The following NUP210L variants were observed in gnomAD, a reference collection of about 807,000 sequenced individuals.
NUP210L encodes the protein nucleoporin 210 like.
Under a neutral mutation model 208.5 loss-of-function variants are expected in NUP210L, and 74 were observed. The ratio of observed to expected loss-of-function variants is 0.35; its 90% CI spans 0.29 to 0.43. NUP210L has a LOEUF of 0.43. Ranked by LOEUF, NUP210L falls within the 20% of genes least tolerant of loss-of-function variation. The pLI, the probability that NUP210L is intolerant of heterozygous loss-of-function variation, is 1.00. For synonymous variants in NUP210L, 780 were observed against 816.9 expected, an observed-to-expected ratio of 0.95 and a Z score of 0.77; for missense variants, 1,843 against 2,289.4, an observed-to-expected ratio of 0.81 and a Z score of 3.98.
chr1:153,997,437 G>C (rs1389067716), intron 37 of NUP210L, among the ~76,000 whole-genome samples: 2 of 150,380 alleles, frequency 1.3e-5, no homozygotes, highest in East Asian at 3.9e-4. Flanking sequence ...TACCGCACCT[G>C]GCCTTTTGGC....
chr1:154,036,168 T>G (rs1652530420), intron 27 of NUP210L, among the ~76,000 whole-genome samples: 1 of 152,148 alleles, frequency 6.6e-6, no homozygotes, highest in Non-Finnish European at 1.5e-5. Flanking sequence ...TATTGTTTAA[T>G]TACCCTGTGT....
chr1:154,089,825 C>G (rs1309097659), intron 15 of NUP210L, among the ~76,000 whole-genome samples: 3 of 152,040 alleles, frequency 2.0e-5, no homozygotes, highest in Non-Finnish European at 4.4e-5. Flanking sequence ...CTAGGTCAGG[C>G]ACAGTGGCTC....
At chr1:154,001,160 TC>T in intron 36 of NUP210L, 100 bp from the exon 37 acceptor site, 1 of 962,784 alleles carries the variant, frequency 1.0e-6, no homozygotes, top group Non-Finnish European at 1.6e-6. Context: ...ATTGTCAAGA[TC>T]TGGATTTCTA....
At chr1:154,023,235 C>T (rs1651666908) in exon 31 of NUP210L, 1 of 1,613,872 alleles carries the variant, frequency 6.2e-7, no homozygotes, top group South Asian at 1.1e-5. Flanking sequence ...CTGACAGGGT[C>T]CTTCCTTGGG....
chr1:154,127,066 A>T (rs1307064386), intron 9 of NUP210L, among the ~76,000 whole-genome samples: 1 of 150,512 alleles, frequency 6.6e-6, no homozygotes. Flanking sequence ...TGATCACACC[A>T]CTGTACTCCA....
At chr1:154,105,190 A>T (rs1656688486) in intron 12 of NUP210L, among the ~76,000 whole-genome samples, 1 of 152,228 alleles carries the variant, frequency 6.6e-6, no homozygotes, top group Non-Finnish European at 1.5e-5. Flanking sequence ...CTTGCTGATT[A>T]AAGAGCCCTT....
At chr1:154,114,563 A>G (rs529020749) in intron 12 of NUP210L, among the ~76,000 whole-genome samples, 2 of 152,210 alleles carry the variant, frequency 1.3e-5, no homozygotes, top group South Asian at 4.1e-4. Context: ...ATTACGCTAA[A>G]TGTATCCAAA....
intron 12 of NUP210L, among the ~76,000 whole-genome samples, chr1:154,113,630 C>T (rs1023223581): frequency 1.2e-4 from 18 of 150,824 alleles, no homozygotes; most frequent in African/African-American, 1.5e-4. Context: ...GAGGCCAAGG[C>T]GGGCAGATCA....
At chr1:154,151,271 T>C (rs984078566) in intron 2 of NUP210L, among the ~76,000 whole-genome samples, 15 of 119,710 alleles carry the variant, frequency 1.3e-4, no homozygotes, top group African/African-American at 7.3e-4. Flanking sequence ...TTTGAGACTA[T>C]CATACCATAT....
intron 25 of NUP210L, among the ~76,000 whole-genome samples, chr1:154,047,891 G>C (rs1425024207): frequency 4.6e-5 from 7 of 152,050 alleles, no homozygotes; most frequent in African/African-American, 1.7e-4. Flanking sequence ...TGGGTCAAAG[G>C]GTCATTGGAG....
At chr1:154,019,713 G>A (rs1047892101) in intron 32 of NUP210L, among the ~76,000 whole-genome samples, 22 of 152,116 alleles carry the variant, frequency 1.4e-4, no homozygotes, top group Admixed American at 3.3e-4. Flanking sequence ...GATCACCTGA[G>A]GTCAGGAGTT....
intron 16 of NUP210L, among the ~76,000 whole-genome samples, chr1:154,083,220 G>C (rs1655445877): frequency 1.3e-5 from 2 of 152,090 alleles, no homozygotes; most frequent in Admixed American, 1.3e-4. Flanking sequence ...GTGCTGATTG[G>C]TCCATTTTAC....
At chr1:154,055,157 TTCTTTC>T (rs1235129134) in intron 23 of NUP210L, among the ~76,000 whole-genome samples, 1 of 114,264 alleles carries the variant, frequency 8.8e-6, no homozygotes, top group Non-Finnish European at 1.7e-5. Context: ...CTTTCTTTCT[TTCTTTC>T]TTTCTTTCTT....
intron 16 of NUP210L, among the ~76,000 whole-genome samples, chr1:154,072,767 A>G (rs1654822945): frequency 6.6e-6 from 1 of 152,232 alleles, no homozygotes; most frequent in Admixed American, 6.5e-5. Context: ...TACAAAAATC[A>G]ATTCGAGATG....
intron 15 of NUP210L, among the ~76,000 whole-genome samples, chr1:154,091,198 A>G (rs1655893984): frequency 6.7e-6 from 1 of 149,322 alleles, no homozygotes; most frequent in Admixed American, 6.7e-5. Context: ...TGGGTTCCAG[A>G]GATTCTTGTG....
intron 27 of NUP210L, among the ~76,000 whole-genome samples, chr1:154,042,436 G>GTTGTTGTTT (rs1468319147): frequency 2.7e-5 from 4 of 150,448 alleles, no homozygotes; most frequent in Admixed American, 6.7e-5. Context: ...TGTTGTTGTT[G>GTTGTTGTTT]TTGTTGTTGA....
chr1:154,145,860 T>C (rs1284102490), intron 2 of NUP210L, among the ~76,000 whole-genome samples: 1 of 152,174 alleles, frequency 6.6e-6, no homozygotes, highest in Non-Finnish European at 1.5e-5. Context: ...TGAGAGGGCC[T>C]AGAAGCAGTG....
At chr1:154,135,707 C>T in intron 7 of NUP210L, 107 bp downstream of exon 7, 1 of 1,002,762 alleles carries the variant, frequency 1.0e-6, no homozygotes, top group African/African-American at 1.6e-5. Flanking sequence ...AGGCGTGAGC[C>T]ACCGCGCCCG....
chr1:154,086,699 C>A (rs976813778), intron 16 of NUP210L, among the ~76,000 whole-genome samples: 5 of 151,654 alleles, frequency 3.3e-5, no homozygotes, highest in Admixed American at 2.6e-4. Flanking sequence ...GTAGTCCCAG[C>A]CACTTAGGAG....
Sources: gnomAD v4.1 joint callset for allele counts (sites outside exome capture counted in the v4.1 genomes callset) on GRCh38, gnomAD v4.1.1 for gene constraint, MANE v1.5 for transcripts, NCBI Gene and HGNC (gene_info 2026-07-23, HGNC 2026-07-21) for gene names.